The following CAP2 variants were observed in gnomAD, a reference collection of about 807,000 sequenced individuals.
CAP2 encodes adenylyl cyclase-associated protein 2.
Under a neutral mutation model 57.7 loss-of-function variants are expected in CAP2, and 24 were observed. The observed-to-expected ratio is 0.42, with a 90% CI of 0.30 to 0.58. CAP2 has a LOEUF of 0.58. CAP2 is among the 20% of genes least tolerant of loss of function. The probability of loss-of-function intolerance (pLI) is 0.22; values close to 1 mark genes in which losing one functional copy is unlikely to be tolerated. For synonymous variants in CAP2, 194 were observed against 207.2 expected, an observed-to-expected ratio of 0.94 and a Z score of 0.55; for missense variants, 501 against 590.3, an observed-to-expected ratio of 0.85 and a Z score of 1.57.
intron 3 of CAP2, among the ~76,000 whole-genome samples, chr6:17,437,310 G>C (rs570510980): frequency 1.3e-5 from 2 of 152,262 alleles, no homozygotes; most frequent in South Asian, 4.1e-4. Flanking sequence ...GCAGGGTAGA[G>C]AGTGGGTCTA....
chr6:17,396,403 C>T (rs1176289274), intron 1 of CAP2, among the ~76,000 whole-genome samples: 1 of 152,200 alleles, frequency 6.6e-6, no homozygotes, highest in East Asian at 1.9e-4. Context: ...AACCAAATGA[C>T]TATCAGTTGA....
Position 17,405,498 on chromosome 6 carries a change from G to GTCTC in CAP2, c.-2+11781_-2+11784dup, listed in dbSNP as rs57158664. Among the ~76,000 whole-genome samples the GTCTC allele has an allele frequency of 1.3e-3, 189 of 148,506 alleles. 1 individual carries two copies. Among genetic ancestry groups the GTCTC allele is most frequent in the East Asian group, 7.2e-3 (36 of 4,992 alleles). Reference sequence around the variant, plus strand: ...ATAATAAAGGTTATGTGAATGTGGAGTCTCTCTCTCTCTCTCTCTCTCTCT... The same window carrying GTCTC: ...ATAATAAAGGTTATGTGAATGTGGAGTCTCTCTCTCTCTCTCTCTCTCTCTCTCT... On this transcript the variant is annotated intron_variant, in intron 1 of 12. Transcript: ENST00000229922.
At chr6:17,474,199 T>A (rs1761091985) in intron 4 of CAP2, among the ~76,000 whole-genome samples, 1 of 147,348 alleles carries the variant, frequency 6.8e-6, no homozygotes, top group Non-Finnish European at 1.5e-5. Flanking sequence ...TTTTTTTTTT[T>A]TTTTTTTTTT....
chr6:17,532,072 A>G (rs1281345052), intron 7 of CAP2, among the ~76,000 whole-genome samples: 1 of 150,870 alleles, frequency 6.6e-6, no homozygotes, highest in East Asian at 2.0e-4. Context: ...TAATCCAACT[A>G]TTAAGAGTTA....
intron 7 of CAP2, among the ~76,000 whole-genome samples, chr6:17,537,980 T>A (rs1486334432): frequency 6.6e-6 from 1 of 152,044 alleles, no homozygotes; most frequent in African/African-American, 2.4e-5. Flanking sequence ...GGCAGGAGAA[T>A]TGCTTGAACC....
chr6:17,440,046 G>A (rs2113561400), intron 3 of CAP2, among the ~76,000 whole-genome samples: 1 of 151,686 alleles, frequency 6.6e-6, no homozygotes, highest in South Asian at 2.1e-4. Flanking sequence ...CAGCTTGTCT[G>A]TTTCCAGAAG....
At chr6:17,529,651 A>AAAAAAAAATATATATATATAT (rs10656588) in intron 7 of CAP2, among the ~76,000 whole-genome samples, 1 of 134,538 alleles carries the variant, frequency 7.4e-6, no homozygotes, top group African/African-American at 2.9e-5. Context: ...AAAAAAAAAA[A>AAAAAAAAATATATATATATAT]ATATATATAT....
intron 3 of CAP2, among the ~76,000 whole-genome samples, chr6:17,447,063 C>T (rs572952101): frequency 6.6e-6 from 1 of 152,174 alleles, no homozygotes; most frequent in African/African-American, 2.4e-5. Context: ...CCCTCTGTCA[C>T]CCAGGCTGGA....
chr6:17,425,930 A>G (rs1027676600), intron 2 of CAP2, among the ~76,000 whole-genome samples: 3 of 152,040 alleles, frequency 2.0e-5, no homozygotes, highest in African/African-American at 7.2e-5. Flanking sequence ...CCCTGTCTCT[A>G]CAAAAACTAC....
chr6:17,445,905 T>A (rs1253607647), intron 3 of CAP2, among the ~76,000 whole-genome samples: 1 of 152,216 alleles, frequency 6.6e-6, no homozygotes, highest in Non-Finnish European at 1.5e-5. Context: ...AACTATTCAC[T>A]AACGGTTTGT....
At chr6:17,421,306 G>T (rs1294399266) in intron 1 of CAP2, among the ~76,000 whole-genome samples, 1 of 152,090 alleles carries the variant, frequency 6.6e-6, no homozygotes, top group Non-Finnish European at 1.5e-5. Context: ...CAGATGATGG[G>T]TGTATCCAAA....
At position 17,463,065 on chromosome 6, in the gene CAP2, C is replaced by G. The variant is rs868428982; in HGVS notation, c.292C>G (p.Pro98Ala). 2 of 1,611,778 alleles carry G rather than the reference C, an allele frequency of 1.2e-6. No homozygotes were observed. Among genetic ancestry groups the G allele is most frequent in the African/African-American group, 2.7e-5 (2 of 74,862 alleles). ...FLLMASQYQQPHENDVAALLK... is the reference protein window; with the variant it reads ...FLLMASQYQQAHENDVAALLK... ...TCTGATGGCCTCTCAGTACCAACAA[C>G]CCCACGAGGTAAGAGAGTGTCCTGA... Residue 98 changes from proline to alanine, a missense_variant, in exon 4 of 13, where the codon CCC becomes GCC. Physicochemically the swap from Pro to Ala is conservative, Grantham distance 27 (BLOSUM62 -1). Transcript: ENST00000229922.
intron 1 of CAP2, among the ~76,000 whole-genome samples, chr6:17,412,954 A>G (rs181007884): frequency 1.3e-3 from 195 of 152,272 alleles, no homozygotes; most frequent in African/African-American, 4.4e-3. Flanking sequence ...TTGAAAATTA[A>G]CAGTGCTAGG....
intron 4 of CAP2, among the ~76,000 whole-genome samples, chr6:17,488,827 C>T (rs1761482903): frequency 6.6e-6 from 1 of 152,154 alleles, no homozygotes; most frequent in African/African-American, 2.4e-5. Flanking sequence ...ACCCTCTGGA[C>T]ATCTAAGGGA....
intron 7 of CAP2, among the ~76,000 whole-genome samples, chr6:17,533,056 A>G (rs1295057578): frequency 7.2e-6 from 1 of 138,790 alleles, no homozygotes; most frequent in African/African-American, 2.8e-5. Context: ...CAAGAGCAAA[A>G]CTCCATCTCA....
chr6:17,422,000 G>A (rs1254693164), intron 2 of CAP2, among the ~76,000 whole-genome samples: 2 of 152,024 alleles, frequency 1.3e-5, no homozygotes, highest in Non-Finnish European at 2.9e-5. Context: ...TCCCTGCCTC[G>A]GCCTCCCGAA....
chr6:17,511,014 G>A (rs1762132412), intron 6 of CAP2, among the ~76,000 whole-genome samples: 1 of 152,176 alleles, frequency 6.6e-6, no homozygotes, highest in Admixed American at 6.5e-5. Flanking sequence ...AGAGGGTTCA[G>A]TATTTGCCCC....
chr6:17,519,068 A>G (rs1762333053), intron 7 of CAP2, among the ~76,000 whole-genome samples: 2 of 151,948 alleles, frequency 1.3e-5, no homozygotes, highest in African/African-American at 4.8e-5. Flanking sequence ...GTTTTTTTCT[A>G]TTTTCAAATT....
intron 2 of CAP2, among the ~76,000 whole-genome samples, chr6:17,426,211 G>A (rs377071833): frequency 6.6e-6 from 1 of 151,574 alleles, no homozygotes; most frequent in East Asian, 1.9e-4. Context: ...ATTGCCTATG[G>A]CAAGACAGTC....
Sources: allele counts gnomAD v4.1 joint callset (sites outside exome capture counted in the v4.1 genomes callset), GRCh38; gene constraint gnomAD v4.1.1; transcripts MANE v1.5; gene names NCBI Gene and HGNC (gene_info 2026-07-23, HGNC 2026-07-21).